MARCHF1: variants seen among roughly 807,000 people sequenced by gnomAD.
MARCHF1 encodes the protein E3 ubiquitin-protein ligase MARCHF1.
In MARCHF1, 40 loss-of-function variants were observed where a neutral mutation model predicts 54.2. That is an observed-to-expected ratio of 0.74 (90% CI 0.57 to 0.96). The LOEUF (loss-of-function observed/expected upper bound fraction) is 0.96, where lower values mean the gene tolerates loss of function less well. Ranked by LOEUF, MARCHF1 falls within the 40% of genes least tolerant of loss-of-function variation. The pLI is 0.00. For missense variants in MARCHF1, 586 were observed against 656.5 expected (o/e 0.89, Z 1.17); for synonymous variants, 236 against 236.3 (o/e 1.00, Z 0.01).
chr4:164,032,648 C>A (rs182492879), intron 2 of MARCHF1, among the ~76,000 whole-genome samples: 8 of 152,094 alleles, frequency 5.3e-5, no homozygotes, highest in Middle Eastern at 3.4e-3. Context: ...TGGTTTTGAG[C>A]GAGTTTCTTA....
chr4:164,165,926 T>A (rs530785990), intron 1 of MARCHF1, among the ~76,000 whole-genome samples: 16 of 152,032 alleles, frequency 1.1e-4, no homozygotes, highest in African/African-American at 3.9e-4. Flanking sequence ...GAAAGAGGAG[T>A]GAAATGCCAT....
intron 4 of MARCHF1, among the ~76,000 whole-genome samples, chr4:163,702,384 T>C (rs1744835178): frequency 6.6e-6 from 1 of 152,192 alleles, no homozygotes; most frequent in Admixed American, 6.5e-5. Flanking sequence ...ATTTAGGATT[T>C]TGACACATTA....
intron 2 of MARCHF1, among the ~76,000 whole-genome samples, chr4:164,005,026 C>A (rs1178265726): frequency 6.6e-6 from 1 of 150,996 alleles, no homozygotes; most frequent in Admixed American, 6.6e-5. Context: ...AACAATAATG[C>A]AGAAAATTAG....
At chr4:163,784,864 A>T (rs1265719968) in intron 4 of MARCHF1, among the ~76,000 whole-genome samples, 1 of 152,080 alleles carries the variant, frequency 6.6e-6, no homozygotes, top group Non-Finnish European at 1.5e-5. Flanking sequence ...TTCCCACAAA[A>T]ATATATTCCG....
intron 1 of MARCHF1, among the ~76,000 whole-genome samples, chr4:164,236,894 C>T (rs1732577843): frequency 1.3e-5 from 2 of 152,230 alleles, no homozygotes; most frequent in South Asian, 4.1e-4. Context: ...CCTAACAATG[C>T]TTCCTCCAAT....
At chr4:163,619,954 T>C (rs1016320862) in intron 5 of MARCHF1, among the ~76,000 whole-genome samples, 26 of 152,096 alleles carry the variant, frequency 1.7e-4, no homozygotes, top group African/African-American at 6.3e-4. Flanking sequence ...CATACACCCA[T>C]ATACCAAAAC....
chr4:164,325,930 T>C (rs1432035139), intron 1 of MARCHF1, among the ~76,000 whole-genome samples: 1 of 152,094 alleles, frequency 6.6e-6, no homozygotes, highest in African/African-American at 2.4e-5. Flanking sequence ...ATTAAAAACA[T>C]AATACATGGA....
At chr4:163,811,502 A>G (rs1379290437) in intron 4 of MARCHF1, among the ~76,000 whole-genome samples, 1 of 152,036 alleles carries the variant, frequency 6.6e-6, no homozygotes, top group Non-Finnish European at 1.5e-5. Context: ...AAAAGAAAGG[A>G]AAGAGAGAGA....
chr4:164,011,775 C>G (rs1327564570), intron 2 of MARCHF1, among the ~76,000 whole-genome samples: 1 of 152,176 alleles, frequency 6.6e-6, no homozygotes, highest in Non-Finnish European at 1.5e-5. Flanking sequence ...TGTGAGGTAT[C>G]ACAGTACCTG....
intron 1 of MARCHF1, among the ~76,000 whole-genome samples, chr4:164,351,614 A>C (rs1419860809): frequency 6.6e-6 from 1 of 152,186 alleles, no homozygotes; most frequent in Non-Finnish European, 1.5e-5. Context: ...CCATCTGTAC[A>C]TCACCATCAT....
intron 4 of MARCHF1, among the ~76,000 whole-genome samples, chr4:163,796,016 C>G (rs1034498025): frequency 6.6e-6 from 1 of 151,982 alleles, no homozygotes; most frequent in Admixed American, 6.6e-5. Context: ...TCATCATAAA[C>G]GTCTTTATCC....
intron 1 of MARCHF1, among the ~76,000 whole-genome samples, chr4:164,118,083 C>T (rs1755977769): frequency 6.6e-6 from 1 of 151,750 alleles, no homozygotes; most frequent in East Asian, 1.9e-4. Flanking sequence ...GAACAAACAA[C>T]CCAAAATGCA....
Position 163,612,281 on chromosome 4 carries a change from C to G in MARCHF1, c.1000G>C (p.Glu334Gln), listed in dbSNP as rs1326455191. Residue 334 changes from glutamate to glutamine, a missense_variant, in exon 7 of 10, where the codon GAA becomes CAA. This residue lies in a region of MARCHF1 where 387 missense variants were observed against 394.6 expected (regional missense o/e 0.98). Transcript: ENST00000514618. ...ATYDDGSDNL[E>Q]VCRICHCEGD... ...TCTACAGTGACTGACCTGCATACTT[C>G]TAAATTATCAGACCCATCGTCATAG... 6.7e-7 allele frequency: 1 copy of G among 1,502,914 alleles called. No individual in the cohort carries two copies. The highest frequency in any genetic ancestry group is 1.3e-5 in the South Asian group (1 of 77,378). The allele number at this position is 1,502,914 out of a possible 1,614,324, so 93.1% of individuals were successfully genotyped here. A position where few individuals can be genotyped will look rare whatever the true frequency, so the allele number is the denominator to read the frequency against.
intron 2 of MARCHF1, among the ~76,000 whole-genome samples, chr4:164,102,659 C>G (rs1348429247): frequency 1.3e-5 from 2 of 151,878 alleles, no homozygotes; most frequent in African/African-American, 4.8e-5. Flanking sequence ...GCTGCAAAAT[C>G]ATGCCAAAAT....
chr4:164,178,438 G>T (rs1730747425), intron 1 of MARCHF1, among the ~76,000 whole-genome samples: 1 of 152,196 alleles, frequency 6.6e-6, no homozygotes. Flanking sequence ...TGGGCTCTCT[G>T]CAGGAATATG....
At chr4:163,788,549 G>A (rs1302948588) in intron 4 of MARCHF1, among the ~76,000 whole-genome samples, 1 of 151,930 alleles carries the variant, frequency 6.6e-6, no homozygotes, top group Non-Finnish European at 1.5e-5. Context: ...CTTTTGAAGA[G>A]TTCTAGCCAG....
At chr4:163,693,695 C>T (rs1023386176) in intron 5 of MARCHF1, among the ~76,000 whole-genome samples, 1 of 143,164 alleles carries the variant, frequency 7.0e-6, no homozygotes, top group South Asian at 2.1e-4. Flanking sequence ...AGACTAAAGG[C>T]CTTTGTATGG....
At chr4:163,831,192 G>T (rs1357508766) in intron 4 of MARCHF1, among the ~76,000 whole-genome samples, 1 of 152,172 alleles carries the variant, frequency 6.6e-6, no homozygotes, top group Non-Finnish European at 1.5e-5. Flanking sequence ...CAAAGGGAGT[G>T]GGGGCTAGAT....
intron 1 of MARCHF1, among the ~76,000 whole-genome samples, chr4:164,352,111 T>A (rs1212291717): frequency 2.1e-3 from 265 of 126,616 alleles, no homozygotes; most frequent in Non-Finnish European, 3.6e-3. Context: ...TGGGACTATG[T>A]GAAAAGACCA....
Sources: allele counts gnomAD v4.1 joint callset (sites outside exome capture counted in the v4.1 genomes callset), GRCh38; gene constraint gnomAD v4.1.1; regional missense constraint gnomAD v4.1.1; transcripts MANE v1.5; gene names NCBI Gene and HGNC (gene_info 2026-07-23, HGNC 2026-07-21).